KCNN2: variants seen among roughly 807,000 people sequenced by gnomAD.
KCNN2 encodes the protein small conductance calcium-activated potassium channel protein 2.
In KCNN2, 24 loss-of-function variants were observed where a neutral mutation model predicts 55.5. The ratio of observed to expected loss-of-function variants is 0.43; its 90% CI spans 0.31 to 0.61. The LOEUF (loss-of-function observed/expected upper bound fraction) is 0.61. Ranked by LOEUF, KCNN2 falls within the 20% of genes least tolerant of loss-of-function variation. The pLI, the probability that KCNN2 is intolerant of heterozygous loss-of-function variation, is 0.08. For synonymous variants in KCNN2, 431 were observed against 336.1 expected, an observed-to-expected ratio of 1.28 and a Z score of -3.09; for missense variants, 754 against 853.6, an observed-to-expected ratio of 0.88 and a Z score of 1.45.
intron 2 of KCNN2, among the ~76,000 whole-genome samples, chr5:114,263,164 T>G (rs1267486126): frequency 6.6e-6 from 1 of 151,826 alleles, no homozygotes; most frequent in Non-Finnish European, 1.5e-5. Flanking sequence ...GGCAGAAAGC[T>G]GAAAAAGGAA....
intron 2 of KCNN2, among the ~76,000 whole-genome samples, chr5:114,242,253 G>T (rs905822300): frequency 6.6e-6 from 1 of 152,008 alleles, no homozygotes; most frequent in African/African-American, 2.4e-5. Context: ...GGCAGTCAGT[G>T]CCTCTGCTCA....
At chr5:114,232,922 C>CTTTTTTTTTTTTTT (rs1754390718) in intron 2 of KCNN2, among the ~76,000 whole-genome samples, 8 of 44,034 alleles carry the variant, frequency 1.8e-4, no homozygotes, top group African/African-American at 2.3e-4. Context: ...TATATTGTTT[C>CTTTTTTTTTTTTTT]TTGTTTTTTT....
At chr5:114,092,611 C>T (rs1330384406) in intron 1 of KCNN2, among the ~76,000 whole-genome samples, 1 of 152,196 alleles carries the variant, frequency 6.6e-6, no homozygotes, top group Non-Finnish European at 1.5e-5. Flanking sequence ...CATGAGGGCT[C>T]CATCCCTGCA....
At chr5:114,303,120 T>C (rs1171405242) in intron 2 of KCNN2, among the ~76,000 whole-genome samples, 1 of 152,254 alleles carries the variant, frequency 6.6e-6, no homozygotes, top group Non-Finnish European at 1.5e-5. Flanking sequence ...TTGGCCTGCT[T>C]CTGAAAGCAG....
chr5:114,451,769 T>C (rs1045789707), intron 3 of KCNN2, among the ~76,000 whole-genome samples: 35 of 151,816 alleles, frequency 2.3e-4, no homozygotes, highest in East Asian at 7.7e-4. Flanking sequence ...TGGTAGCGGG[T>C]GCCTGTAGTC....
At chr5:114,139,466 C>G (rs575481261) in intron 1 of KCNN2, among the ~76,000 whole-genome samples, 1 of 149,670 alleles carries the variant, frequency 6.7e-6, no homozygotes, top group Admixed American at 6.7e-5. Context: ...ACCACCCCCC[C>G]CACACACACA....
intron 1 of KCNN2, among the ~76,000 whole-genome samples, chr5:114,103,442 G>A (rs1214823797): frequency 2.0e-5 from 3 of 152,012 alleles, no homozygotes; most frequent in African/African-American, 7.3e-5. Flanking sequence ...GATTACCCTG[G>A]CCAGAACTTC....
intron 5 of KCNN2, among the ~76,000 whole-genome samples, chr5:114,486,248 A>G (rs957030144): frequency 6.6e-6 from 1 of 152,228 alleles, no homozygotes; most frequent in African/African-American, 2.4e-5. Context: ...CCAAAAGCCC[A>G]AGTGAAAGCT....
intron 1 of KCNN2, among the ~76,000 whole-genome samples, chr5:114,099,238 T>C (rs1251294430): frequency 5.9e-5 from 9 of 152,090 alleles, no homozygotes; most frequent in African/African-American, 2.2e-4. Context: ...TACATAAATA[T>C]GTAGGCCAAG....
chr5:114,222,911 A>G (rs1754170338), intron 2 of KCNN2, among the ~76,000 whole-genome samples: 1 of 152,178 alleles, frequency 6.6e-6, no homozygotes, highest in Admixed American at 6.5e-5. Context: ...GAGCTGCCAC[A>G]GAATGTATTT....
intron 3 of KCNN2, among the ~76,000 whole-genome samples, chr5:114,437,972 A>T (rs1423844699): frequency 6.6e-6 from 1 of 152,210 alleles, no homozygotes; most frequent in Non-Finnish European, 1.5e-5. Context: ...GGAGCATAAT[A>T]ACATGTTTAA....
intron 6 of KCNN2, among the ~76,000 whole-genome samples, chr5:114,488,176 A>G (rs951258091): frequency 3.9e-5 from 6 of 152,186 alleles, no homozygotes; most frequent in Non-Finnish European, 7.3e-5. Flanking sequence ...GCTTAAATAG[A>G]TATCACTGAA....
rs1366345187 is a variant in KCNN2 at position 114,379,716 on chromosome 5, CAT to C, written c.1218+15718_1218+15719del. ...TATATTTATAGAATATATTATATAA[CAT>C]ATTATATATTTATAGAATATATTAT... On this transcript the variant is annotated intron_variant, in intron 2 of 7. Coordinates refer to ENST00000673685, the MANE Select transcript of KCNN2 (RefSeq NM_021614.4). Among the ~76,000 whole-genome samples the C allele has an allele frequency of 2.0e-4, 23 of 117,264 alleles. 5 individuals carry two copies. The highest frequency in any genetic ancestry group is 7.9e-4 in the African/African-American group (21 of 26,534). 76.9% of individuals were successfully genotyped at this position (117,264 alleles called of 152,430 possible).
intron 2 of KCNN2, among the ~76,000 whole-genome samples, chr5:114,378,647 T>G (rs1306721664): frequency 6.6e-6 from 1 of 152,160 alleles, no homozygotes; most frequent in African/African-American, 2.4e-5. Context: ...TTGAAACTTC[T>G]GGTGCCTCGG....
At chr5:114,226,218 A>G (rs1485555596) in intron 2 of KCNN2, among the ~76,000 whole-genome samples, 1 of 152,218 alleles carries the variant, frequency 6.6e-6, no homozygotes, top group Non-Finnish European at 1.5e-5. Flanking sequence ...CAGAGTACAT[A>G]TACTCCTTTA....
At chr5:114,091,884 T>C (rs1460563652) in intron 1 of KCNN2, among the ~76,000 whole-genome samples, 1 of 152,132 alleles carries the variant, frequency 6.6e-6, no homozygotes, top group Non-Finnish European at 1.5e-5. Context: ...CACATGGGGA[T>C]TTTGGGGATT....
intron 4 of KCNN2, among the ~76,000 whole-genome samples, chr5:114,471,649 C>G (rs966244524): frequency 6.6e-6 from 1 of 152,162 alleles, no homozygotes; most frequent in Non-Finnish European, 1.5e-5. Flanking sequence ...AATCAGAAGG[C>G]TAAATCAGAA....
At chr5:114,269,613 A>G (rs1755282074) in intron 2 of KCNN2, among the ~76,000 whole-genome samples, 1 of 151,980 alleles carries the variant, frequency 6.6e-6, no homozygotes, top group South Asian at 2.1e-4. Flanking sequence ...AACTAGTTGC[A>G]GATTATTTTA....
chr5:114,106,129 C>T (rs528775710), intron 1 of KCNN2, among the ~76,000 whole-genome samples: 1 of 151,432 alleles, frequency 6.6e-6, no homozygotes, highest in African/African-American at 2.4e-5. Context: ...CATTTATGTA[C>T]CCAAAATCTG....
Sources: gnomAD v4.1 joint callset for allele counts (sites outside exome capture counted in the v4.1 genomes callset) on GRCh38, gnomAD v4.1.1 for gene constraint, MANE v1.5 for transcripts, NCBI Gene and HGNC (gene_info 2026-07-23, HGNC 2026-07-21) for gene names.